The following LYRM4 variants were observed in gnomAD, a reference collection of about 807,000 sequenced individuals.
LYRM4 encodes LYR motif-containing protein 4.
A neutral mutation model predicts 11.7 loss-of-function variants in LYRM4; 9 were observed. The observed-to-expected ratio is 0.77, with a 90% confidence interval of 0.46 to 1.34. LYRM4 has a LOEUF of 1.34. Ranked by LOEUF, LYRM4 falls within the 40% of genes most tolerant of loss-of-function variation. The probability of loss-of-function intolerance (pLI) is 0.00; values close to 1 mark genes in which losing one functional copy is unlikely to be tolerated. For synonymous variants in LYRM4, 42 were observed against 40.4 expected (o/e 1.04, Z -0.15); for missense variants, 133 against 112.5 (o/e 1.18, Z -0.82).
chr6:5,120,353 G>A (rs1489777925), intron 2 of LYRM4, among the ~76,000 whole-genome samples: 1 of 152,142 alleles, frequency 6.6e-6, no homozygotes, highest in African/African-American at 2.4e-5. Context: ...TCTGTGCACG[G>A]GAGCCACAGG....
intron 2 of LYRM4, among the ~76,000 whole-genome samples, chr6:5,204,630 C>CT (rs897141418): frequency 6.6e-5 from 10 of 152,154 alleles, no homozygotes; most frequent in African/African-American, 2.4e-4. Context: ...ACCCTCTCTC[C>CT]TTTTTTTCCC....
At chr6:5,045,190 AC>A in the LYRM4 span, among the ~76,000 whole-genome samples, 1 of 152,206 alleles carries the variant, frequency 6.6e-6, no homozygotes, top group Non-Finnish European at 1.5e-5. Flanking sequence ...ATTATTCACA[AC>A]AGCCAATAGG....
chr6:5,236,281 A>G (rs975178462), intron 1 of LYRM4: 3 of 152,082 alleles, frequency 2.0e-5, no homozygotes, highest in African/African-American at 7.2e-5. Flanking sequence ...CCTGGCCAAC[A>G]TGGTGAAACC....
intron 2 of LYRM4, among the ~76,000 whole-genome samples, chr6:5,206,027 C>A (rs399283): frequency 0.31 from 46,589 of 152,050 alleles, 7,255 homozygotes; most frequent in African/African-American, 0.38. Flanking sequence ...AGCATTACAT[C>A]ATCCAGTTAC....
chr6:5,235,343 A>C (rs1040594315), intron 1 of LYRM4, among the ~76,000 whole-genome samples: 3 of 152,214 alleles, frequency 2.0e-5, no homozygotes, highest in Non-Finnish European at 2.9e-5. Context: ...ACAAACAAAC[A>C]AACCAAATAC....
chr6:5,185,633 G>A (rs938834140), intron 2 of LYRM4, among the ~76,000 whole-genome samples: 2 of 152,172 alleles, frequency 1.3e-5, no homozygotes, highest in African/African-American at 4.8e-5. Context: ...AAGCCCATAA[G>A]GAGGCTGAGG....
Position 5,109,442 on chromosome 6 carries a change from C to T in LYRM4, c.257G>A (p.Arg86Gln), listed in dbSNP as rs781440760. Reference sequence around the variant, plus strand: ...GGCTTGCTAGGTCCTGGGCATGTCTCGATTCTCAATGATCAGCTTGTCAGT... The same window carrying T: ...GGCTTGCTAGGTCCTGGGCATGTCTTGATTCTCAATGATCAGCTTGTCAGT... ...YSTDKLIIENRDMPRT is the reference protein window; with the variant it reads ...YSTDKLIIENQDMPRT Residue 86 changes from arginine (R) to glutamine (Q), a missense_variant, in exon 3 of 3, where the codon CGA becomes CAA. Arg to Gln is a conservative substitution (Grantham distance 43). Transcript: ENST00000330636. 1.2e-5 allele frequency: 19 copies of T among 1,613,978 alleles called. No individual in the cohort carries two copies. The highest frequency in any genetic ancestry group is 2.2e-5 in the East Asian group (1 of 44,878).
the LYRM4 span, among the ~76,000 whole-genome samples, chr6:5,044,572 T>C: frequency 2.0e-5 from 3 of 152,360 alleles, no homozygotes; most frequent in South Asian, 4.1e-4. Context: ...GACGTGTTTG[T>C]TGGATTTGTT....
intron 2 of LYRM4, among the ~76,000 whole-genome samples, chr6:5,160,013 G>C (rs1279213017): frequency 6.6e-6 from 1 of 151,954 alleles, no homozygotes; most frequent in African/African-American, 2.4e-5. Flanking sequence ...TTCAGCTTAC[G>C]GCTGATCTTC....
intron 2 of LYRM4, among the ~76,000 whole-genome samples, chr6:5,155,734 C>G (rs550763412): frequency 2.0e-4 from 30 of 152,296 alleles, no homozygotes; most frequent in African/African-American, 7.0e-4. Flanking sequence ...ATAGCCTCTC[C>G]CAGCTACTTT....
Position 5,212,733 on chromosome 6 carries a change from G to C in LYRM4, c.207+3885C>G, listed in dbSNP as rs546414332. ...CTGCTAATTCTGGGCTATGACATGA[G>C]GCATGAAGTGGGAAAGAGATTCGAG... On this transcript the variant is annotated intron_variant, in intron 2 of 2. Transcript: ENST00000330636. Among the ~76,000 whole-genome samples, 3 of 152,294 alleles carry C rather than the reference G, an allele frequency of 2.0e-5. No individual in the cohort carries two copies. In the East Asian group the frequency reaches 5.8e-4, roughly 29 times the overall value.
intron 2 of LYRM4, 104 bp from the exon 3 acceptor site, chr6:5,109,595 C>G (rs941540310): frequency 8.4e-7 from 1 of 1,187,754 alleles, no homozygotes; most frequent in East Asian, 2.4e-5. Context: ...CGTCGGCCAT[C>G]CCAGGGCTGC....
At chr6:5,199,888 T>C (rs149335930) in intron 2 of LYRM4, among the ~76,000 whole-genome samples, 114 of 152,304 alleles carry the variant, frequency 7.5e-4, no homozygotes, top group Middle Eastern at 3.4e-3. Flanking sequence ...CAAGGTGCTA[T>C]AAGAGAGTTG....
intron 2 of LYRM4, among the ~76,000 whole-genome samples, chr6:5,211,459 G>C (rs988866679): frequency 1.3e-5 from 2 of 152,140 alleles, no homozygotes; most frequent in African/African-American, 4.8e-5. Context: ...AAAAGTGTAA[G>C]CTAAGAAACA....
chr6:5,074,694 T>C, the LYRM4 span, among the ~76,000 whole-genome samples: 1 of 151,736 alleles, frequency 6.6e-6, no homozygotes, highest in Admixed American at 6.6e-5. Flanking sequence ...TAAATAGGTA[T>C]ATATGGAGAA....
the LYRM4 span, among the ~76,000 whole-genome samples, chr6:5,052,838 T>A: frequency 3.3e-5 from 5 of 152,256 alleles, no homozygotes; most frequent in African/African-American, 9.6e-5. Context: ...GCACTCTCTA[T>A]GCTTCACTCC....
the LYRM4 span, among the ~76,000 whole-genome samples, chr6:5,074,914 G>C: frequency 3.3e-5 from 5 of 152,156 alleles, no homozygotes; most frequent in African/African-American, 1.2e-4. Context: ...AGCTTGGTGA[G>C]AGGTGATTGG....
chr6:5,095,399 A>G, the LYRM4 span, among the ~76,000 whole-genome samples: 3 of 152,202 alleles, frequency 2.0e-5, no homozygotes, highest in Non-Finnish European at 4.4e-5. Context: ...TGGTAGAAGA[A>G]GATTCATGAA....
the LYRM4 span, among the ~76,000 whole-genome samples, chr6:5,097,799 C>T: frequency 1.2e-4 from 18 of 152,188 alleles, 1 homozygote; most frequent in Non-Finnish European, 1.9e-4. Flanking sequence ...TTCAAACCAC[C>T]GCAGATGTGT....
Sources: allele counts gnomAD v4.1 joint callset (sites outside exome capture counted in the v4.1 genomes callset), GRCh38; gene constraint gnomAD v4.1.1; transcripts MANE v1.5; gene names NCBI Gene and HGNC (gene_info 2026-07-23, HGNC 2026-07-21).